The following FHIT variants were observed in gnomAD, a reference collection of about 807,000 sequenced individuals.
The protein encoded by FHIT is bis(5'-adenosyl)-triphosphatase.
In FHIT, 19 loss-of-function variants were observed where a neutral mutation model predicts 17.9. The observed-to-expected ratio is 1.06, with a 90% confidence interval of 0.74 to 1.56. The LOEUF (loss-of-function observed/expected upper bound fraction) is 1.56. FHIT is among the 40% of genes most tolerant of loss of function. FHIT has a pLI of 0.00. For synonymous variants in FHIT, 81 were observed against 69.7 expected (o/e 1.16, Z -0.81); for missense variants, 248 against 189.2 (o/e 1.31, Z -1.82).
intron 5 of FHIT, among the ~76,000 whole-genome samples, chr3:60,515,065 A>G (rs974311563): frequency 6.6e-6 from 1 of 152,088 alleles, no homozygotes; most frequent in African/African-American, 2.4e-5. Context: ...GGCAGACAAA[A>G]CAGTGGGCAC....
In FHIT at chr3:60,951,692, T is replaced by C. The variant is rs77155595; in HGVS notation, c.-111+90355A>G. Among the ~76,000 whole-genome samples, 1,471 of 152,076 alleles carry C rather than the reference T, an allele frequency of 9.7e-3. 20 individuals carry two copies. Among genetic ancestry groups the C allele is most frequent in the African/African-American group, 0.033 (1,375 of 41,502 alleles). ...GAGCAAACGGGAAATGGGTTAAGCATTAATATCTGGCTAAAAGATGTAAGA... is the reference window on the plus strand; with the variant it reads ...GAGCAAACGGGAAATGGGTTAAGCACTAATATCTGGCTAAAAGATGTAAGA... On this transcript the variant is annotated intron_variant, in intron 3 of 9. Transcript: ENST00000492590.
chr3:60,192,658 C>T (rs1044873301), intron 5 of FHIT, among the ~76,000 whole-genome samples: 1 of 152,128 alleles, frequency 6.6e-6, no homozygotes, highest in African/African-American at 2.4e-5. Flanking sequence ...GACACCTTTA[C>T]CCTACATGCT....
chr3:60,456,703 G>C (rs2032117975), intron 5 of FHIT, among the ~76,000 whole-genome samples: 2 of 152,156 alleles, frequency 1.3e-5, no homozygotes, highest in South Asian at 4.1e-4. Context: ...CAGCACTGAA[G>C]AGTGGAAGAT....
At chr3:60,259,235 A>G (rs1477334803) in intron 5 of FHIT, among the ~76,000 whole-genome samples, 1 of 152,242 alleles carries the variant, frequency 6.6e-6, no homozygotes, top group East Asian at 1.9e-4. Context: ...CACCCTTAAA[A>G]TATCTGAAAA....
intron 4 of FHIT, among the ~76,000 whole-genome samples, chr3:60,678,739 T>C (rs2040678665): frequency 6.6e-6 from 1 of 152,124 alleles, no homozygotes; most frequent in African/African-American, 2.4e-5. Context: ...ATTTACCATT[T>C]TCAAGTGTCC....
chr3:60,259,666 C>T (rs1048976000), intron 5 of FHIT, among the ~76,000 whole-genome samples: 1 of 152,072 alleles, frequency 6.6e-6, no homozygotes, highest in Non-Finnish European at 1.5e-5. Flanking sequence ...ACATAAAAAG[C>T]AACACAGCCT....
At chr3:60,770,391 A>C (rs1174065961) in intron 4 of FHIT, among the ~76,000 whole-genome samples, 1 of 152,204 alleles carries the variant, frequency 6.6e-6, no homozygotes, top group Non-Finnish European at 1.5e-5. Flanking sequence ...TGTTTGCTCC[A>C]CATCATGAAT....
intron 5 of FHIT, among the ~76,000 whole-genome samples, chr3:60,246,188 A>G (rs1382028658): frequency 1.3e-5 from 2 of 152,156 alleles, no homozygotes; most frequent in Non-Finnish European, 2.9e-5. Context: ...GAGAAAAACA[A>G]AATTATAAAT....
intron 8 of FHIT, among the ~76,000 whole-genome samples, chr3:59,864,871 G>A (rs1395273915): frequency 6.6e-6 from 1 of 151,862 alleles, no homozygotes; most frequent in Admixed American, 6.6e-5. Flanking sequence ...TCATTTAGAA[G>A]GGAGGCCTAA....
intron 5 of FHIT, among the ~76,000 whole-genome samples, chr3:60,029,335 T>C (rs1200212802): frequency 2.6e-5 from 4 of 152,166 alleles, no homozygotes; most frequent in Non-Finnish European, 4.4e-5. Context: ...ACTTCCAATG[T>C]GTTAAAAAAT....
chr3:60,479,470 C>A (rs1428734036), intron 5 of FHIT, among the ~76,000 whole-genome samples: 2 of 152,176 alleles, frequency 1.3e-5, no homozygotes, highest in African/African-American at 4.8e-5. Flanking sequence ...ATTCCTATTG[C>A]TTAGTGACAT....
At chr3:59,812,888 T>C (rs933976773) in intron 8 of FHIT, among the ~76,000 whole-genome samples, 1 of 152,190 alleles carries the variant, frequency 6.6e-6, no homozygotes, top group African/African-American at 2.4e-5. Flanking sequence ...AAACCTGGTA[T>C]CTCTTCCCAC....
At chr3:60,942,221 T>C (rs782097893) in intron 3 of FHIT, among the ~76,000 whole-genome samples, 8 of 152,182 alleles carry the variant, frequency 5.3e-5, no homozygotes, top group Non-Finnish European at 1.2e-4. Context: ...TTTTTACTGA[T>C]TTGTTTAATG....
intron 5 of FHIT, among the ~76,000 whole-genome samples, chr3:60,223,404 T>C (rs2107537658): frequency 6.6e-6 from 1 of 152,312 alleles, no homozygotes; most frequent in African/African-American, 2.4e-5. Context: ...CGCTGAATCA[T>C]ACATCATCTT....
intron 1 of FHIT, among the ~76,000 whole-genome samples, chr3:61,210,324 C>T (rs1283632362): frequency 1.3e-5 from 2 of 152,218 alleles, no homozygotes; most frequent in Non-Finnish European, 2.9e-5. Flanking sequence ...CCACTACTCT[C>T]TTCAAAGCTG....
chr3:60,602,732 T>A (rs1347671016), intron 4 of FHIT, among the ~76,000 whole-genome samples: 1 of 152,104 alleles, frequency 6.6e-6, no homozygotes, highest in African/African-American at 2.4e-5. Flanking sequence ...TCCAAATTCA[T>A]ATGTTGAAAT....
At chr3:60,624,297 A>G (rs2039219090) in intron 4 of FHIT, among the ~76,000 whole-genome samples, 1 of 152,238 alleles carries the variant, frequency 6.6e-6, no homozygotes, top group Non-Finnish European at 1.5e-5. Context: ...CATGCTGAGC[A>G]GCTTGGGCTT....
At chr3:60,589,486 A>AT (rs1553663385) in intron 4 of FHIT, among the ~76,000 whole-genome samples, 1 of 152,070 alleles carries the variant, frequency 6.6e-6, no homozygotes, top group Non-Finnish European at 1.5e-5. Flanking sequence ...GAACATCATC[A>AT]CAGTCCATGT....
At chr3:60,465,040 A>T (rs1335617794) in intron 5 of FHIT, among the ~76,000 whole-genome samples, 1 of 151,992 alleles carries the variant, frequency 6.6e-6, no homozygotes, top group Admixed American at 6.6e-5. Flanking sequence ...TCTTTTGCAT[A>T]TCTTTTCATT....
Sources: allele counts gnomAD v4.1 joint callset (sites outside exome capture counted in the v4.1 genomes callset), GRCh38; gene constraint gnomAD v4.1.1; transcripts MANE v1.5; gene names NCBI Gene and HGNC (gene_info 2026-07-23, HGNC 2026-07-21).